Variants in MECOM observed in about 807,000 individuals in gnomAD.
MECOM encodes the protein histone-lysine N-methyltransferase MECOM.
MECOM carries 13 observed loss-of-function variants against 116.3 expected under a neutral mutation model. The observed-to-expected ratio is 0.11, with a 90% CI of 0.07 to 0.18. The LOEUF (loss-of-function observed/expected upper bound fraction) is 0.18. Ranked by LOEUF, MECOM falls within the 10% of genes least tolerant of loss-of-function variation. MECOM has a pLI of 1.00. For synonymous variants in MECOM, 528 were observed against 535.2 expected (o/e 0.99, Z 0.19); for missense variants, 1,299 against 1,509.0 (o/e 0.86, Z 2.31).
intron 2 of MECOM, among the ~76,000 whole-genome samples, chr3:169,316,187 T>C (rs1261317521): frequency 6.6e-6 from 1 of 152,226 alleles, no homozygotes; most frequent in Admixed American, 6.5e-5. Flanking sequence ...TGTTTAGTGT[T>C]GTATAATTTA....
At chr3:169,413,864 T>C (rs1372411195) in intron 1 of MECOM, among the ~76,000 whole-genome samples, 1 of 152,198 alleles carries the variant, frequency 6.6e-6, no homozygotes, top group Non-Finnish European at 1.5e-5. Flanking sequence ...AAGCCATCTC[T>C]GAAAGAAAGG....
chr3:169,219,272 C>A (rs1023683347), intron 2 of MECOM, among the ~76,000 whole-genome samples: 3 of 152,082 alleles, frequency 2.0e-5, no homozygotes, highest in African/African-American at 4.8e-5. Context: ...TTCGGGAGGC[C>A]GAGGAGGGTG....
chr3:169,565,813 G>A (rs913670620), intron 1 of MECOM, among the ~76,000 whole-genome samples: 2 of 152,192 alleles, frequency 1.3e-5, no homozygotes, highest in Non-Finnish European at 2.9e-5. Flanking sequence ...AGTAGTTTGT[G>A]TTCTCCAACA....
chr3:169,365,669 T>C (rs914900616), intron 2 of MECOM, among the ~76,000 whole-genome samples: 2 of 152,020 alleles, frequency 1.3e-5, no homozygotes, highest in Non-Finnish European at 2.9e-5. Context: ...ATGGGTATGT[T>C]CTGGGGCAAT....
intron 2 of MECOM, among the ~76,000 whole-genome samples, chr3:169,180,100 C>T (rs911787133): frequency 1.3e-5 from 2 of 152,210 alleles, no homozygotes; most frequent in African/African-American, 2.4e-5. Flanking sequence ...CGTTGTCTGG[C>T]ATTTACAATA....
At chr3:169,285,109 T>C (rs1245522456) in intron 2 of MECOM, among the ~76,000 whole-genome samples, 1 of 152,208 alleles carries the variant, frequency 6.6e-6, no homozygotes, top group African/African-American at 2.4e-5. Flanking sequence ...TAACTTCTTC[T>C]TACCGAGTAT....
chr3:169,562,440 C>T (rs1762765270), intron 1 of MECOM, among the ~76,000 whole-genome samples: 1 of 152,048 alleles, frequency 6.6e-6, no homozygotes. Context: ...TCATATTTGG[C>T]TGGGGAAGTG....
At chr3:169,416,252 G>A (rs1738568817) in intron 1 of MECOM, among the ~76,000 whole-genome samples, 1 of 152,142 alleles carries the variant, frequency 6.6e-6, no homozygotes, top group Non-Finnish European at 1.5e-5. Context: ...AATGGAAACT[G>A]AACAACATGC....
At chr3:169,478,538 C>T (rs1010329707) in intron 1 of MECOM, among the ~76,000 whole-genome samples, 1 of 152,168 alleles carries the variant, frequency 6.6e-6, no homozygotes, top group Non-Finnish European at 1.5e-5. Flanking sequence ...CCAAGCTAAG[C>T]CAAGATTGAG....
chr3:169,378,496 A>G (rs1435701373), intron 2 of MECOM, among the ~76,000 whole-genome samples: 11 of 38,064 alleles, frequency 2.9e-4, no homozygotes, highest in African/African-American at 2.6e-3. Flanking sequence ...AGAGAAAGAA[A>G]GAAAGAAAGA....
intron 16 of MECOM, among the ~76,000 whole-genome samples, chr3:169,086,906 C>G (rs1003798964): frequency 1.3e-5 from 2 of 152,018 alleles, no homozygotes; most frequent in African/African-American, 4.8e-5. Context: ...TTTTGGTAAT[C>G]AAAGGAAATA....
chr3:169,161,781 G>GTCTC (rs58350630), intron 2 of MECOM, among the ~76,000 whole-genome samples: 4 of 150,262 alleles, frequency 2.7e-5, no homozygotes, highest in Admixed American at 6.6e-5. Flanking sequence ...AAAAAGAAGA[G>GTCTC]TCTCTCTCTC....
Position 169,115,977 on chromosome 3 carries a change from A to C in MECOM, c.1895T>G (p.Ile632Arg). Residue 632 changes from isoleucine (I) to arginine (R), a missense_variant, in exon 8 of 17, where the codon ATA becomes AGA. Coordinates refer to ENST00000651503, the MANE Select transcript of MECOM (RefSeq NM_004991.4). Reference sequence around the variant, plus strand: ...ATTGCTGTATTCTTTCTTATTATTTATTGAAGCCAGATTCTGAAGAGGGCT... The same window carrying C: ...ATTGCTGTATTCTTTCTTATTATTTCTTGAAGCCAGATTCTGAAGAGGGCT... ...KVSPLQNLAS[I>R]NNKKEYSNHS... is the part of the protein sequence containing the mutation. 1 of 1,614,186 alleles carries C rather than the reference A, an allele frequency of 6.2e-7. No individual in the cohort carries two copies. The highest frequency in any genetic ancestry group is 8.5e-7 in the Non-Finnish European group (1 of 1,180,030).
chr3:169,498,425 A>G (rs1754106595), intron 1 of MECOM, among the ~76,000 whole-genome samples: 1 of 152,228 alleles, frequency 6.6e-6, no homozygotes. Flanking sequence ...ACCATAAAAG[A>G]AAAGGAAACC....
In MECOM at chr3:169,107,910, T is replaced by C; in HGVS notation, c.2604+16A>G. ...TGCTACATCACTTTAGTCAAAAATA[T>C]AAGTAGGAAACTTACCCAAGTTCTC... On this transcript the variant is annotated intron_variant, in intron 10 of 16. Coordinates refer to ENST00000651503, the MANE Select transcript of MECOM (RefSeq NM_004991.4). 1 of 1,609,398 alleles carries C rather than the reference T, an allele frequency of 6.2e-7. No individual in the cohort carries two copies. The highest frequency in any genetic ancestry group is 8.5e-7 in the Non-Finnish European group (1 of 1,177,522).
At chr3:169,414,331 T>A (rs533826670) in intron 1 of MECOM, among the ~76,000 whole-genome samples, 4 of 151,946 alleles carry the variant, frequency 2.6e-5, no homozygotes, top group Non-Finnish European at 5.9e-5. Context: ...ATACAGAAAA[T>A]AATAGCATCA....
At chr3:169,360,050 C>G (rs1279518408) in intron 2 of MECOM, among the ~76,000 whole-genome samples, 1 of 151,526 alleles carries the variant, frequency 6.6e-6, no homozygotes, top group Non-Finnish European at 1.5e-5. Context: ...TCAAGTTCTT[C>G]CTTGAGGAAG....
chr3:169,415,683 A>T (rs893963358), intron 1 of MECOM, among the ~76,000 whole-genome samples: 1 of 152,166 alleles, frequency 6.6e-6, no homozygotes, highest in Admixed American at 6.5e-5. Context: ...GGGGCAGAGG[A>T]ATATTTACCA....
intron 2 of MECOM, among the ~76,000 whole-genome samples, chr3:169,219,272 C>T (rs1023683347): frequency 8.6e-5 from 13 of 151,964 alleles, no homozygotes; most frequent in East Asian, 1.9e-4. Flanking sequence ...TTCGGGAGGC[C>T]GAGGAGGGTG....
Sources: gnomAD v4.1 joint callset for allele counts (sites outside exome capture counted in the v4.1 genomes callset) on GRCh38, gnomAD v4.1.1 for gene constraint, MANE v1.5 for transcripts, NCBI Gene and HGNC (gene_info 2026-07-23, HGNC 2026-07-21) for gene names.